The following B3GALT5 variants were observed in gnomAD, a reference collection of about 807,000 sequenced individuals.
B3GALT5 encodes the protein beta-1,3-galactosyltransferase 5.
For missense variants in B3GALT5, 328 were observed against 396.6 expected, an observed-to-expected ratio of 0.83 and a Z score of 1.47; for synonymous variants, 156 against 158.6, an observed-to-expected ratio of 0.98 and a Z score of 0.12.
At chr21:39,656,640 A>AC (rs1383617313) in intron 2 of B3GALT5, among the ~76,000 whole-genome samples, 6 of 151,458 alleles carry the variant, frequency 4.0e-5, no homozygotes. Flanking sequence ...AACTTTCCAG[A>AC]CCCCCCCTTC....
intron 1 of B3GALT5, among the ~76,000 whole-genome samples, chr21:39,639,446 T>TTCTTTTTTTCTTTCTCTCTCTCTCTC (rs2079269860): frequency 2.4e-5 from 3 of 126,022 alleles, no homozygotes; most frequent in Non-Finnish European, 5.3e-5. Context: ...CTTTCTTTCT[T>TTCTTTTTTTCTTTCTCTCTCTCTCTC]TCTTTCTTTT....
intron 1 of B3GALT5, among the ~76,000 whole-genome samples, chr21:39,623,064 T>G (rs1315096003): frequency 6.6e-6 from 1 of 151,762 alleles, no homozygotes; most frequent in East Asian, 1.9e-4. Flanking sequence ...TTCTTTTCTT[T>G]TCTTTTCCTC....
intron 1 of B3GALT5, among the ~76,000 whole-genome samples, chr21:39,614,026 G>T (rs945123657): frequency 2.6e-5 from 4 of 152,194 alleles, no homozygotes; most frequent in African/African-American, 9.7e-5. Flanking sequence ...TGAAGATACA[G>T]ATCTGGGGAA....
intron 1 of B3GALT5, chr21:39,630,393 T>C (rs2079185481): frequency 6.6e-6 from 1 of 151,980 alleles, no homozygotes; most frequent in South Asian, 2.1e-4. Flanking sequence ...GTCAGAGTCT[T>C]AGGTCTCTCA....
chr21:39,660,466 A>G, intron 3 of B3GALT5, 94 bp from the exon 4 acceptor site: 1 of 1,135,376 alleles, frequency 8.8e-7, no homozygotes, highest in South Asian at 3.1e-5. Context: ...AGTTTCCAAA[A>G]CACGGGTCTC....
At chr21:39,655,811 G>T (rs965493231) in intron 2 of B3GALT5, among the ~76,000 whole-genome samples, 3 of 152,168 alleles carry the variant, frequency 2.0e-5, no homozygotes, top group Non-Finnish European at 4.4e-5. Context: ...TCCAGGCCAT[G>T]TGTGACACGG....
intron 1 of B3GALT5, among the ~76,000 whole-genome samples, chr21:39,645,454 C>T (rs1027723852): frequency 8.5e-5 from 13 of 152,148 alleles, no homozygotes; most frequent in Admixed American, 8.5e-4. Context: ...AGAATTTTCC[C>T]AGCAGGAGGT....
chr21:39,660,662 T>G lies in B3GALT5; in HGVS notation c.103T>G (p.Ser35Ala). The G allele has an allele frequency of 6.5e-7, 1 of 1,548,330 alleles. No homozygotes were observed. The highest frequency in any genetic ancestry group is 8.7e-7 in the Non-Finnish European group (1 of 1,149,398). ...CAGTCTAAATCCTTTCAAAGAACAG[T>G]CCTTTGTTTACAAGAAAGACGGGAA... ...MYSLNPFKEQSFVYKKDGNFL... is the reference protein window; with the variant it reads ...MYSLNPFKEQAFVYKKDGNFL... Residue 35 changes from serine to alanine, a missense_variant, in exon 4 of 4, where the codon TCC becomes GCC. Transcript: ENST00000684187.
rs1322566578 is a variant in B3GALT5 at position 39,661,468 on chromosome 21, G to A, written c.909G>A (p.Arg303=). The A allele has an allele frequency of 6.6e-7, 1 of 1,509,810 alleles. No homozygotes were observed. The highest frequency in any genetic ancestry group is 2.3e-5 in the Admixed American group (1 of 43,292). The allele number at this position is 1,509,810 out of a possible 1,614,324, so 93.5% of individuals were successfully genotyped here. Residue 303 remains arginine (R), a synonymous_variant, in exon 4 of 4, where the codon CGG becomes CGA. Transcript: ENST00000684187. This position sits in a 1 kb window ranked among gnomAD's most constrained non-coding sequence, Gnocchi z 4.7. ...ACTGGCAGGCTCTAGAGAATTCCCGGGGGGAAGATTGTCCGCCTGTCTGAG... is the reference window on the plus strand; with the variant it reads ...ACTGGCAGGCTCTAGAGAATTCCCGAGGGGAAGATTGTCCGCCTGTCTGAG... ...LDYWQALENS[R]GEDCPPV
At chr21:39,621,000 C>T (rs531708861) in intron 1 of B3GALT5, among the ~76,000 whole-genome samples, 22 of 152,286 alleles carry the variant, frequency 1.4e-4, no homozygotes, top group Non-Finnish European at 2.8e-4. Context: ...TACAATGGCT[C>T]ATGCCTGTAG....
chr21:39,620,901 C>T (rs966339095), intron 1 of B3GALT5, among the ~76,000 whole-genome samples: 1 of 152,130 alleles, frequency 6.6e-6, no homozygotes, highest in Non-Finnish European at 1.5e-5. Context: ...AGTTTCTTCT[C>T]TTTTATTTCT....
intron 1 of B3GALT5, among the ~76,000 whole-genome samples, chr21:39,637,257 A>G (rs569821011): frequency 6.6e-6 from 1 of 152,142 alleles, no homozygotes; most frequent in African/African-American, 2.4e-5. Flanking sequence ...GCTCCATGAG[A>G]GGAGAAAAGC....
intron 1 of B3GALT5, among the ~76,000 whole-genome samples, chr21:39,626,573 A>AT (rs1336782370): frequency 2.0e-5 from 3 of 151,786 alleles, no homozygotes; most frequent in Non-Finnish European, 2.9e-5. Context: ...CAGATTTTCC[A>AT]GATTTCCTTG....
intron 1 of B3GALT5, chr21:39,630,483 T>G (rs2079186214): frequency 6.6e-6 from 1 of 152,186 alleles, no homozygotes; most frequent in South Asian, 2.1e-4. Flanking sequence ...TGGGAATCAG[T>G]GACTTGGGTG....
At chr21:39,645,183 C>A (rs901833026) in intron 1 of B3GALT5, among the ~76,000 whole-genome samples, 1 of 152,158 alleles carries the variant, frequency 6.6e-6, no homozygotes, top group Non-Finnish European at 1.5e-5. Flanking sequence ...CTGACCGTTC[C>A]CGGAGTCTTA....
At chr21:39,647,402 T>C (rs1005282460) in intron 2 of B3GALT5, among the ~76,000 whole-genome samples, 1 of 152,220 alleles carries the variant, frequency 6.6e-6, no homozygotes, top group Non-Finnish European at 1.5e-5. Context: ...GTTTCTAGAA[T>C]GATCATACTC....
chr21:39,665,885 C>A lies in B3GALT5; in HGVS notation c.*4393C>A, dbSNP rs971814719. The A allele has an allele frequency of 1.3e-5, 2 of 152,042 alleles. No homozygotes were observed. Among genetic ancestry groups the A allele is most frequent in the Non-Finnish European group, 2.9e-5 (2 of 68,032 alleles). The allele number at this position is 152,042 out of a possible 1,614,324, so 9.4% of individuals were successfully genotyped here. ...TATGTTTCACGCAACTTGAATGTAA[C>A]CTTTGTGTGGGCCGTGGGTCTTTCT... On this transcript the variant is annotated 3_prime_UTR_variant, in exon 4 of 4. Coordinates refer to ENST00000684187, the MANE Select transcript of B3GALT5 (RefSeq NM_001356336.2).
chr21:39,644,484 A>G (rs957310461), intron 1 of B3GALT5, among the ~76,000 whole-genome samples: 2 of 152,098 alleles, frequency 1.3e-5, no homozygotes, highest in African/African-American at 2.4e-5. Flanking sequence ...TGGCTTAGTG[A>G]GTCTGGGGTC....
At chr21:39,657,301 A>C (rs535789492) in intron 2 of B3GALT5, 2 of 152,276 alleles carry the variant, frequency 1.3e-5, no homozygotes, top group Admixed American at 6.5e-5. Flanking sequence ...GCTGCCCTCC[A>C]TGTGGGCAGG....
Sources: allele counts gnomAD v4.1 joint callset (sites outside exome capture counted in the v4.1 genomes callset), GRCh38; gene constraint gnomAD v4.1.1; non-coding constraint Gnocchi (gnomAD v3.1); transcripts MANE v1.5; gene names NCBI Gene and HGNC (gene_info 2026-07-23, HGNC 2026-07-21).